Variants in CIMAP1D observed in about 807,000 individuals in gnomAD.
The protein encoded by CIMAP1D is protein CIMAP1D.
At chr19:487,865 G>A in the CIMAP1D span, among the ~76,000 whole-genome samples, 7 of 152,188 alleles carry the variant, frequency 4.6e-5, no homozygotes, top group Admixed American at 4.6e-4. Flanking sequence ...CCGGCGCTGT[G>A]CCCTGGGCCT....
the CIMAP1D span, among the ~76,000 whole-genome samples, chr19:470,576 G>T: frequency 6.6e-6 from 1 of 152,128 alleles, no homozygotes; most frequent in Admixed American, 6.6e-5. Context: ...GGCATTCTGG[G>T]ACCCCTTGCA....
chr19:483,271 C>A, the CIMAP1D span, among the ~76,000 whole-genome samples: 4 of 150,198 alleles, frequency 2.7e-5, no homozygotes, highest in African/African-American at 9.9e-5. Flanking sequence ...CACCCACCCC[C>A]ACCTCCTCAG....
the CIMAP1D span, among the ~76,000 whole-genome samples, chr19:490,596 G>GT: frequency 6.6e-6 from 1 of 152,214 alleles, no homozygotes; most frequent in Non-Finnish European, 1.5e-5. Context: ...TTGGAAAAGT[G>GT]GCTTCACAAA....
At chr19:484,682 G>A in the CIMAP1D span, among the ~76,000 whole-genome samples, 2 of 152,324 alleles carry the variant, frequency 1.3e-5, no homozygotes, top group African/African-American at 4.8e-5. Context: ...AGGCCCTGGG[G>A]CAGGACCGCA....
chr19:485,296 A>G, the CIMAP1D span, among the ~76,000 whole-genome samples: 2 of 152,232 alleles, frequency 1.3e-5, no homozygotes, highest in African/African-American at 4.8e-5. Flanking sequence ...GTGCTCACAT[A>G]GGAACACGAA....
chr19:491,201 C>A, the CIMAP1D span, among the ~76,000 whole-genome samples: 3 of 151,672 alleles, frequency 2.0e-5, no homozygotes, highest in Non-Finnish European at 4.4e-5. Context: ...CGCTTGAACC[C>A]AGGAGGCGGA....
At chr19:477,456 C>T in the CIMAP1D span, among the ~76,000 whole-genome samples, 1 of 152,022 alleles carries the variant, frequency 6.6e-6, no homozygotes, top group Non-Finnish European at 1.5e-5. Flanking sequence ...CGTCTGTAAT[C>T]CCAGCCACAC....
the CIMAP1D span, among the ~76,000 whole-genome samples, chr19:472,043 C>A: frequency 6.6e-6 from 1 of 152,224 alleles, no homozygotes; most frequent in African/African-American, 2.4e-5. Flanking sequence ...ACCGCACCGG[C>A]CTGCTATTGT....
At chr19:464,144 G>A in the CIMAP1D span, 12 of 596,312 alleles carry the variant, frequency 2.0e-5, no homozygotes, top group African/African-American at 1.9e-4. Context: ...GGCGGGCGGG[G>A]GGGGTGCGGC....
At chr19:481,398 GGGGAAGGATGAT>G in the CIMAP1D span, among the ~76,000 whole-genome samples, 2 of 95,172 alleles carry the variant, frequency 2.1e-5, no homozygotes, top group Admixed American at 2.0e-4. Context: ...GAAGGATGAT[GGGGAAGGATGAT>G]GGGAAGGATG....
the CIMAP1D span, among the ~76,000 whole-genome samples, chr19:478,547 T>C: frequency 2.0e-5 from 3 of 152,244 alleles, no homozygotes; most frequent in Non-Finnish European, 4.4e-5. Context: ...TCTGATCTGA[T>C]CGCACCAGAT....
the CIMAP1D span, among the ~76,000 whole-genome samples, chr19:467,496 C>T: frequency 2.6e-5 from 4 of 152,054 alleles, no homozygotes; most frequent in South Asian, 4.1e-4. Flanking sequence ...ACTGCAGTGG[C>T]GGCCCCTCCT....
At chr19:467,719 G>A in the CIMAP1D span, 22 of 1,611,220 alleles carry the variant, frequency 1.4e-5, no homozygotes, top group Non-Finnish European at 1.8e-5. Context: ...TGACTTTGGG[G>A]TCCAAGAAGT....
chr19:479,687 G>A, the CIMAP1D span, among the ~76,000 whole-genome samples: 1 of 151,814 alleles, frequency 6.6e-6, no homozygotes. Flanking sequence ...ACAGGCGTGA[G>A]CCACCGTGCC....
the CIMAP1D span, among the ~76,000 whole-genome samples, chr19:485,929 G>A: frequency 7.2e-3 from 1,091 of 151,850 alleles, 36 homozygotes; most frequent in East Asian, 0.11. Context: ...TTTGTCCGGC[G>A]GCCAGCCCCC....
the CIMAP1D span, chr19:474,792 T>C: frequency 7.1e-7 from 1 of 1,407,884 alleles, no homozygotes. Context: ...GGCCTGGTGC[T>C]ACCTTCTGAG....
At chr19:474,954 A>C in the CIMAP1D span, 6 of 426,620 alleles carry the variant, frequency 1.4e-5, no homozygotes, top group Admixed American at 8.8e-5. Flanking sequence ...TCGGCCGGAC[A>C]CTGGCCTGGA....
the CIMAP1D span, among the ~76,000 whole-genome samples, chr19:481,486 TGGGAAGGATGATGGGAAGGATGATG>T: frequency 1.9e-5 from 1 of 53,330 alleles, no homozygotes; most frequent in South Asian, 6.8e-4. Flanking sequence ...GGAAGGATGA[TGGGAAGGATGATGGGAAGGATGATG>T]GGGAAGGATG....
chr19:489,459 G>A, the CIMAP1D span: 15,989 of 149,702 alleles, frequency 0.11, 1,710 homozygotes, highest in African/African-American at 0.28. Flanking sequence ...CCATCGGCCC[G>A]GCAGTGGACG....
Sources: gnomAD v4.1 joint callset for allele counts (sites outside exome capture counted in the v4.1 genomes callset) on GRCh38, gnomAD v4.1.1 for gene constraint, MANE v1.5 for transcripts, NCBI Gene and HGNC (gene_info 2026-07-23, HGNC 2026-07-21) for gene names.